RNF150: variants seen among roughly 807,000 people sequenced by gnomAD.
The protein encoded by RNF150 is ring finger protein 150.
RNF150 carries 24 observed loss-of-function variants against 39.3 expected under a neutral mutation model. The ratio of observed to expected loss-of-function variants is 0.61; its 90% CI spans 0.44 to 0.86. The LOEUF is 0.86. Ranked by LOEUF, RNF150 falls within the 40% of genes least tolerant of loss-of-function variation. The pLI, the probability that RNF150 is intolerant of heterozygous loss-of-function variation, is 0.00. For missense variants in RNF150, 502 were observed against 587.8 expected, an observed-to-expected ratio of 0.85 and a Z score of 1.51; for synonymous variants, 255 against 227.3, an observed-to-expected ratio of 1.12 and a Z score of -1.10.
chr4:140,945,871 A>C (rs1052330138), intron 4 of RNF150, among the ~76,000 whole-genome samples: 22 of 152,002 alleles, frequency 1.4e-4, no homozygotes, highest in Admixed American at 6.6e-5. Context: ...AATCTTCAAG[A>C]AAAAAATAAA....
chr4:140,958,633 C>T (rs371870526), intron 2 of RNF150, among the ~76,000 whole-genome samples: 1 of 152,212 alleles, frequency 6.6e-6, no homozygotes, highest in Non-Finnish European at 1.5e-5. Context: ...AAATGACAGC[C>T]AGGTGTCTTC....
At position 140,996,731 on chromosome 4, in the gene RNF150, T is replaced by C. The variant is rs537584192; in HGVS notation, c.485-28858A>G. Among the ~76,000 whole-genome samples, 6 of 152,310 alleles carry C rather than the reference T, an allele frequency of 3.9e-5. No homozygotes were observed. In the South Asian group the frequency reaches 1.2e-3, roughly 32 times the overall value. ...AGGGAAAAAATTTGTACAAGAAATA[T>C]TCAAAGAGCAAAACTATTTAGCAAA... On this transcript the variant is annotated intron_variant, in intron 1 of 6. Transcript: ENST00000515673.
chr4:140,917,398 T>G (rs1395753623), intron 5 of RNF150, among the ~76,000 whole-genome samples: 1 of 152,062 alleles, frequency 6.6e-6, no homozygotes. Flanking sequence ...TCCTAGTCTC[T>G]GATAAAACAG....
chr4:140,904,420 T>C (rs1730302628), intron 6 of RNF150, among the ~76,000 whole-genome samples: 1 of 152,212 alleles, frequency 6.6e-6, no homozygotes, highest in Non-Finnish European at 1.5e-5. Flanking sequence ...AATGTGAATC[T>C]TATAGGCACC....
intron 1 of RNF150, among the ~76,000 whole-genome samples, chr4:141,113,340 A>C (rs1329185643): frequency 2.1e-5 from 3 of 144,972 alleles, no homozygotes; most frequent in Non-Finnish European, 4.6e-5. Flanking sequence ...GGAAAGTTAA[A>C]AAAAAAAAAA....
At chr4:140,881,023 T>C (rs1461100399) in intron 6 of RNF150, among the ~76,000 whole-genome samples, 1 of 152,190 alleles carries the variant, frequency 6.6e-6, no homozygotes, top group African/African-American at 2.4e-5. Context: ...ATATCTGCTC[T>C]AATCTTTATT....
chr4:141,134,592 G>A (rs1321552572), upstream of RNF150, among the ~76,000 whole-genome samples: 1 of 152,190 alleles, frequency 6.6e-6, no homozygotes, highest in African/African-American at 2.4e-5. Flanking sequence ...GCTGTTAAGG[G>A]AGGGCAAAGA....
At chr4:140,890,036 TG>T (rs1478692157) in intron 6 of RNF150, among the ~76,000 whole-genome samples, 1 of 152,202 alleles carries the variant, frequency 6.6e-6, no homozygotes, top group Non-Finnish European at 1.5e-5. Flanking sequence ...TAGCTCCTTT[TG>T]TGTCTCACCA....
chr4:140,918,946 C>A (rs565759355), intron 5 of RNF150, among the ~76,000 whole-genome samples: 1 of 152,252 alleles, frequency 6.6e-6, no homozygotes, highest in East Asian at 1.9e-4. Flanking sequence ...ACATGATTAT[C>A]TCAATAGATG....
chr4:140,906,938 T>C (rs1730400150), intron 6 of RNF150, among the ~76,000 whole-genome samples: 1 of 152,124 alleles, frequency 6.6e-6, no homozygotes, highest in South Asian at 2.1e-4. Context: ...ACAATCTCCT[T>C]GAAAAATCAC....
chr4:140,983,662 G>C (rs1579026578), intron 1 of RNF150, among the ~76,000 whole-genome samples: 1 of 151,776 alleles, frequency 6.6e-6, no homozygotes, highest in African/African-American at 2.4e-5. Flanking sequence ...TGCGTGGAAA[G>C]AGATTGAAGC....
In RNF150 at chr4:141,008,588, T is replaced by A. The variant is rs746240866; in HGVS notation, c.485-40715A>T. Among the ~76,000 whole-genome samples the A allele has an allele frequency of 6.5e-4, 99 of 152,350 alleles. 4 individuals carry two copies. The highest frequency in any genetic ancestry group is 3.4e-4 in the Non-Finnish European group (23 of 68,020). On this transcript the variant is annotated intron_variant, in intron 1 of 6. Coordinates refer to ENST00000515673, the MANE Select transcript of RNF150 (RefSeq NM_020724.2). The stretch of plus-strand genomic sequence containing the variant: ...TATAATCTTAGTTTTTTATATGGCA[T>A]GGGGCAGGGTTCAAAGGCCTTTTGT...
intron 1 of RNF150, among the ~76,000 whole-genome samples, chr4:141,153,779 G>A (rs6856385): frequency 0.53 from 80,405 of 151,936 alleles, 21,543 homozygotes; most frequent in East Asian, 0.81. Flanking sequence ...GAGTAGAAAT[G>A]ATGTCTAACC....
intron 1 of RNF150, among the ~76,000 whole-genome samples, chr4:141,011,910 T>G (rs1735089396): frequency 6.6e-6 from 1 of 152,236 alleles, no homozygotes; most frequent in Non-Finnish European, 1.5e-5. Context: ...GTGAAAAGTA[T>G]TTTGGGAGCT....
chr4:140,928,994 C>T (rs946236985), intron 4 of RNF150, among the ~76,000 whole-genome samples: 1 of 152,146 alleles, frequency 6.6e-6, no homozygotes, highest in Admixed American at 6.5e-5. Flanking sequence ...ATCCTGGCAA[C>T]CCCAGTTCTT....
chr4:141,116,737 A>T (rs1560746993), intron 1 of RNF150, among the ~76,000 whole-genome samples: 1 of 152,190 alleles, frequency 6.6e-6, no homozygotes, highest in Non-Finnish European at 1.5e-5. Context: ...CTTGGAACCA[A>T]CCCACATGTC....
intron 5 of RNF150, among the ~76,000 whole-genome samples, chr4:140,918,505 T>A (rs1021731129): frequency 2.6e-5 from 4 of 152,170 alleles, no homozygotes; most frequent in African/African-American, 9.7e-5. Context: ...AATCTCTGAA[T>A]AGACCAATAA....
intron 5 of RNF150, among the ~76,000 whole-genome samples, chr4:140,916,211 T>G (rs1159819242): frequency 6.6e-6 from 1 of 151,758 alleles, no homozygotes; most frequent in South Asian, 2.1e-4. Flanking sequence ...CTTTGACGAG[T>G]TGAGAGAGGA....
chr4:141,167,010 G>A (rs1424097199), intron 1 of RNF150, among the ~76,000 whole-genome samples: 8 of 152,110 alleles, frequency 5.3e-5, no homozygotes, highest in Non-Finnish European at 7.4e-5. Flanking sequence ...AATTGTCTCT[G>A]TTTGCAGATG....
Sources: gnomAD v4.1 joint callset for allele counts (sites outside exome capture counted in the v4.1 genomes callset) on GRCh38, gnomAD v4.1.1 for gene constraint, MANE v1.5 for transcripts, NCBI Gene and HGNC (gene_info 2026-07-23, HGNC 2026-07-21) for gene names.